SGCZ: variants seen among roughly 807,000 people sequenced by gnomAD.
The protein encoded by SGCZ is sarcoglycan zeta, also known as zeta-sarcoglycan.
In SGCZ, 40 loss-of-function variants were observed where a neutral mutation model predicts 41.3. The observed-to-expected ratio is 0.97, with a 90% CI of 0.75 to 1.26. SGCZ has a LOEUF of 1.26. SGCZ is among the 50% of genes most tolerant of loss of function. SGCZ has a pLI of 0.00. For missense variants in SGCZ, 552 were observed against 369.8 expected, an observed-to-expected ratio of 1.49 and a Z score of -4.04; for synonymous variants, 206 against 137.5, an observed-to-expected ratio of 1.50 and a Z score of -3.49.
At chr8:14,243,099 G>C (rs1189613703) in intron 3 of SGCZ, among the ~76,000 whole-genome samples, 2 of 152,130 alleles carry the variant, frequency 1.3e-5, no homozygotes, top group Non-Finnish European at 2.9e-5. Context: ...GTTATAAACT[G>C]TCATCTGCCT....
chr8:14,168,066 A>G (rs141461801), intron 4 of SGCZ, among the ~76,000 whole-genome samples: 1 of 152,264 alleles, frequency 6.6e-6, no homozygotes, highest in East Asian at 1.9e-4. Flanking sequence ...GTCTTCCTCA[A>G]ACTTGTCATG....
At chr8:14,716,850 C>T (rs6987475) in intron 1 of SGCZ, among the ~76,000 whole-genome samples, 56,058 of 151,874 alleles carry the variant, frequency 0.37, 12,359 homozygotes, top group African/African-American at 0.61. Flanking sequence ...ATATTTATAG[C>T]CCATGCTATA....
intron 1 of SGCZ, among the ~76,000 whole-genome samples, chr8:14,992,260 T>C (rs113152508): frequency 0.062 from 9,321 of 150,146 alleles, 481 homozygotes; most frequent in Admixed American, 0.17. Context: ...ACCCTTGCTA[T>C]TTACCTCTCA....
At chr8:14,777,210 A>G (rs1800430887) in intron 1 of SGCZ, among the ~76,000 whole-genome samples, 1 of 152,216 alleles carries the variant, frequency 6.6e-6, no homozygotes, top group Non-Finnish European at 1.5e-5. Flanking sequence ...CATTTCACTA[A>G]AACTTTCATC....
At chr8:14,807,112 C>T (rs1317965508) in intron 1 of SGCZ, among the ~76,000 whole-genome samples, 1 of 151,796 alleles carries the variant, frequency 6.6e-6, no homozygotes, top group East Asian at 1.9e-4. Context: ...GACAAACCCA[C>T]AGCCAATATC....
chr8:14,921,855 GA>G (rs1241181137), intron 1 of SGCZ, among the ~76,000 whole-genome samples: 1 of 152,090 alleles, frequency 6.6e-6, no homozygotes, highest in African/African-American at 2.4e-5. Context: ...GTGAACAACT[GA>G]AAGACAAGAT....
intron 1 of SGCZ, among the ~76,000 whole-genome samples, chr8:14,761,508 T>C (rs1218079816): frequency 6.7e-6 from 1 of 149,876 alleles, no homozygotes; most frequent in Admixed American, 6.7e-5. Flanking sequence ...TTTCTATTAT[T>C]ATTATTATTA....
intron 1 of SGCZ, among the ~76,000 whole-genome samples, chr8:14,971,176 G>T (rs1403313911): frequency 1.3e-5 from 2 of 151,974 alleles, no homozygotes; most frequent in African/African-American, 4.8e-5. Context: ...TTGTCTGATT[G>T]CCCACATGAA....
chr8:14,460,187 A>C (rs867540794), intron 2 of SGCZ, among the ~76,000 whole-genome samples: 14 of 152,214 alleles, frequency 9.2e-5, no homozygotes, highest in Admixed American at 6.5e-4. Context: ...TTCTGTAAAT[A>C]TAAAATTATT....
chr8:14,847,185 A>AGAAGAAGAAGAAG (rs1303419499), intron 1 of SGCZ, among the ~76,000 whole-genome samples: 56 of 148,514 alleles, frequency 3.8e-4, no homozygotes, highest in African/African-American at 1.4e-3. Flanking sequence ...AAGAAGAAGA[A>AGAAGAAGAAGAAG]GAGAAAAATA....
intron 1 of SGCZ, among the ~76,000 whole-genome samples, chr8:14,767,153 A>T (rs952445129): frequency 6.6e-6 from 1 of 152,092 alleles, no homozygotes; most frequent in South Asian, 2.1e-4. Context: ...GCTTTGCCCA[A>T]TGTGATGATG....
At chr8:15,020,196 C>G (rs1157886642) in intron 1 of SGCZ, among the ~76,000 whole-genome samples, 1 of 152,058 alleles carries the variant, frequency 6.6e-6, no homozygotes. Flanking sequence ...AAAAGGCTTT[C>G]CAAGTTTCCT....
intron 1 of SGCZ, among the ~76,000 whole-genome samples, chr8:14,624,657 G>A (rs929250595): frequency 1.5e-5 from 2 of 136,584 alleles, no homozygotes; most frequent in East Asian, 2.6e-4. Context: ...TGAAACCTCC[G>A]CCTCCCGGGG....
chr8:14,183,362 A>C (rs1188825259), intron 4 of SGCZ, among the ~76,000 whole-genome samples: 4 of 152,184 alleles, frequency 2.6e-5, no homozygotes, highest in African/African-American at 9.7e-5. Context: ...ACTCTTCTTG[A>C]GAACAGAATA....
chr8:14,187,995 C>G (rs1804960664), intron 4 of SGCZ, among the ~76,000 whole-genome samples: 1 of 151,952 alleles, frequency 6.6e-6, no homozygotes, highest in Non-Finnish European at 1.5e-5. Context: ...AACAGCTGGC[C>G]TCTCATCAGA....
At chr8:14,475,751 C>G (rs570822391) in intron 2 of SGCZ, among the ~76,000 whole-genome samples, 91 of 152,176 alleles carry the variant, frequency 6.0e-4, no homozygotes, top group African/African-American at 2.1e-3. Context: ...AGTTCCATAT[C>G]AATGATATAT....
intron 1 of SGCZ, among the ~76,000 whole-genome samples, chr8:14,738,897 A>G (rs1563236984): frequency 6.6e-6 from 1 of 151,580 alleles, no homozygotes; most frequent in Non-Finnish European, 1.5e-5. Context: ...CAGATAAGAG[A>G]CTCCCCCAGG....
chr8:14,628,170 A>G (rs1806525131), intron 1 of SGCZ, among the ~76,000 whole-genome samples: 1 of 152,110 alleles, frequency 6.6e-6, no homozygotes, highest in African/African-American at 2.4e-5. Context: ...TAAAAAATCC[A>G]TTAACAAGGT....
At chr8:14,593,569 C>A (rs1805308650) in intron 1 of SGCZ, among the ~76,000 whole-genome samples, 1 of 152,082 alleles carries the variant, frequency 6.6e-6, no homozygotes, top group African/African-American at 2.4e-5. Context: ...TATTAATTTT[C>A]AGTTTGGAAA....
Sources: allele counts gnomAD v4.1 joint callset (sites outside exome capture counted in the v4.1 genomes callset), GRCh38; gene constraint gnomAD v4.1.1; transcripts MANE v1.5; gene names NCBI Gene and HGNC (gene_info 2026-07-23, HGNC 2026-07-21).